Variants in ADAMTS17 observed in about 807,000 individuals in gnomAD.
ADAMTS17 encodes ADAM metallopeptidase with thrombospondin type 1 motif 17.
ADAMTS17 carries 113 observed loss-of-function variants against 141.5 expected under a neutral mutation model. That is an observed-to-expected ratio of 0.80 (90% CI 0.69 to 0.93). The LOEUF (loss-of-function observed/expected upper bound fraction) is 0.93. ADAMTS17 is among the 40% of genes least tolerant of loss of function. The pLI, the probability that ADAMTS17 is intolerant of heterozygous loss-of-function variation, is 0.00. For synonymous variants in ADAMTS17, 768 were observed against 630.6 expected (o/e 1.22, Z -3.27); for missense variants, 1,659 against 1,517.9 (o/e 1.09, Z -1.54).
chr15:100,235,408 T>C (rs1184115619), intron 7 of ADAMTS17, among the ~76,000 whole-genome samples: 1 of 152,064 alleles, frequency 6.6e-6, no homozygotes, highest in Non-Finnish European at 1.5e-5. Flanking sequence ...TGCACACACA[T>C]ACGGCCAGTA....
Position 100,116,908 on chromosome 15 carries a change from G to A in ADAMTS17, c.1827C>T (p.Cys609=). The change falls in exon 13 of 22, where the codon TGC becomes TGT. Residue 609 remains cysteine (C), a synonymous_variant. Coordinates refer to ENST00000268070, the MANE Select transcript of ADAMTS17 (RefSeq NM_139057.4). ...TGGGGCTCAGCCGGTCGTGTGCCTG[G>A]CACTGCTGGTCCCGGAAGCTGGGCA... The part of the protein sequence containing the change: ...KGLPSFRDQQ[C]QAHDRLSPKK... 6.2e-7 allele frequency: 1 copy of A among 1,614,176 alleles called. No homozygotes were observed. The highest frequency in any genetic ancestry group is 8.5e-7 in the Non-Finnish European group (1 of 1,180,036).
chr15:100,270,974 C>A (rs1434943413), intron 4 of ADAMTS17, among the ~76,000 whole-genome samples: 3 of 151,776 alleles, frequency 2.0e-5, no homozygotes, highest in Non-Finnish European at 4.4e-5. Flanking sequence ...GAATTCACTA[C>A]CCTACGTAAG....
intron 6 of ADAMTS17, among the ~76,000 whole-genome samples, chr15:100,259,954 C>G (rs980997232): frequency 2.0e-5 from 3 of 152,200 alleles, no homozygotes; most frequent in African/African-American, 7.2e-5. Flanking sequence ...AAGCAATTCT[C>G]CTGCCTCAGC....
In ADAMTS17 at chr15:100,079,352, G is replaced by A. The variant is rs536472152; in HGVS notation, c.2137+17004C>T. Among the ~76,000 whole-genome samples, 5 of 152,280 alleles carry A rather than the reference G, an allele frequency of 3.3e-5. No individual in the cohort carries two copies. In the South Asian group the frequency reaches 1.0e-3, roughly 32 times the overall value. ...ATACAATGTGATATCTCCAAACAAT[G>A]GAATAGTATTTGGCAATAAAAAGAA... On this transcript the variant is annotated intron_variant, in intron 15 of 21. Coordinates refer to ENST00000268070, the MANE Select transcript of ADAMTS17 (RefSeq NM_139057.4).
At chr15:100,136,747 C>G (rs923389705) in intron 10 of ADAMTS17, among the ~76,000 whole-genome samples, 2 of 152,160 alleles carry the variant, frequency 1.3e-5, no homozygotes, top group African/African-American at 4.8e-5. Context: ...ATTCAAGACC[C>G]TCAACTGAAA....
chr15:100,085,217 C>A (rs140008043), intron 15 of ADAMTS17, among the ~76,000 whole-genome samples: 1 of 151,822 alleles, frequency 6.6e-6, no homozygotes, highest in Non-Finnish European at 1.5e-5. Flanking sequence ...CAGTAGCCGA[C>A]GTGATCAACT....
chr15:100,045,586 G>T (rs1585934), intron 18 of ADAMTS17, among the ~76,000 whole-genome samples: 11,449 of 152,192 alleles, frequency 0.075, 1,403 homozygotes, highest in African/African-American at 0.25. Context: ...TAGTCTCTAA[G>T]AATTCCCAGA....
At position 100,096,481 on chromosome 15, in the gene ADAMTS17, A is replaced by T; in HGVS notation, c.2017-5T>A. 1 of 1,614,140 alleles carries T rather than the reference A, an allele frequency of 6.2e-7. No individual in the cohort carries two copies. On this transcript the variant is annotated splice_region_variant and splice_polypyrimidine_tract_variant and intron_variant, in intron 14 of 21. Coordinates refer to ENST00000268070, the MANE Select transcript of ADAMTS17 (RefSeq NM_139057.4). The stretch of plus-strand genomic sequence containing the variant: ...GATGCCGTCACAGCCGATTTTCTAA[A>T]GAACCAGAGGGCCTCATTATTCTGT...
intron 20 of ADAMTS17, among the ~76,000 whole-genome samples, chr15:99,989,407 G>T (rs996862270): frequency 6.6e-6 from 1 of 152,224 alleles, no homozygotes; most frequent in African/African-American, 2.4e-5. Flanking sequence ...GGGCGTGACC[G>T]CTAGGACCCT....
At chr15:100,112,175 C>T (rs543796921) in intron 13 of ADAMTS17, among the ~76,000 whole-genome samples, 3 of 152,170 alleles carry the variant, frequency 2.0e-5, no homozygotes, top group Non-Finnish European at 4.4e-5. Context: ...CAGAGAAATG[C>T]GGACTCTGCA....
At chr15:100,102,480 AGG>A (rs1219896602) in intron 14 of ADAMTS17, among the ~76,000 whole-genome samples, 3 of 91,606 alleles carry the variant, frequency 3.3e-5, no homozygotes, top group African/African-American at 1.6e-4. Flanking sequence ...GGCCAACTGA[AGG>A]GGATCTACAT....
At chr15:100,124,319 C>A (rs11637908) in intron 12 of ADAMTS17, among the ~76,000 whole-genome samples, 1 of 152,190 alleles carries the variant, frequency 6.6e-6, no homozygotes, top group African/African-American at 2.4e-5. Context: ...CAAAACCAAA[C>A]GGCTTGCATG....
chr15:100,104,564 C>T (rs62038576), intron 14 of ADAMTS17, among the ~76,000 whole-genome samples: 21,649 of 152,132 alleles, frequency 0.14, 1,837 homozygotes, highest in Admixed American at 0.2. Context: ...TCGACATTTC[C>T]CAGAATGCCG....
At chr15:100,109,942 C>A (rs1298556655) in intron 13 of ADAMTS17, among the ~76,000 whole-genome samples, 1 of 152,008 alleles carries the variant, frequency 6.6e-6, no homozygotes, top group African/African-American at 2.4e-5. Context: ...TCCATTAAAG[C>A]AACAGCATCT....
chr15:100,185,556 T>G (rs2040683685), intron 8 of ADAMTS17, among the ~76,000 whole-genome samples: 1 of 152,214 alleles, frequency 6.6e-6, no homozygotes, highest in Admixed American at 6.5e-5. Flanking sequence ...TTGTGCAAAC[T>G]CGCCAGTGTG....
chr15:100,121,030 G>A (rs1398817644), intron 12 of ADAMTS17, among the ~76,000 whole-genome samples: 1 of 152,146 alleles, frequency 6.6e-6, no homozygotes, highest in Non-Finnish European at 1.5e-5. Flanking sequence ...TGGAAGTTAA[G>A]AAAACAAAGA....
rs377359204 is a variant in ADAMTS17 at position 99,976,214 on chromosome 15, C to G, written c.2958G>C (p.Ser986=). 2.0e-5 allele frequency: 31 copies of G among 1,545,936 alleles called. No individual in the cohort carries two copies. In the African/African-American group the frequency reaches 3.1e-4, roughly 16 times the overall value. The change falls in exon 21 of 22, where the codon TCG becomes TCC. Residue 986 remains serine (S), a synonymous_variant. Coordinates refer to ENST00000268070, the MANE Select transcript of ADAMTS17 (RefSeq NM_139057.4). ...GGGACTGCAGGCCCTTCCCGCAGGT[C>G]GACGAGCACTGCAGAGACAGGACAG... is the stretch of plus-strand genomic sequence containing the variant. ...WKTGDWSTCS[S]TCGKGLQSRV... is the part of the protein sequence containing the mutation.
chr15:100,228,085 C>A (rs536033134), intron 7 of ADAMTS17, among the ~76,000 whole-genome samples: 1 of 152,162 alleles, frequency 6.6e-6, no homozygotes, highest in African/African-American at 2.4e-5. Context: ...CACTACTGGG[C>A]CTCCTTCATG....
intron 15 of ADAMTS17, 69 bp downstream of exon 15, chr15:100,096,287 G>A (rs2035751183): frequency 3.7e-6 from 6 of 1,604,034 alleles, no homozygotes; most frequent in Admixed American, 3.3e-5. Flanking sequence ...AGGGAAGACT[G>A]CAATCAATAG....
Sources: gnomAD v4.1 joint callset for allele counts (sites outside exome capture counted in the v4.1 genomes callset) on GRCh38, gnomAD v4.1.1 for gene constraint, MANE v1.5 for transcripts, NCBI Gene and HGNC (gene_info 2026-07-23, HGNC 2026-07-21) for gene names.